Variants in UNC5D observed in about 807,000 individuals in gnomAD.
The protein encoded by UNC5D is netrin receptor UNC5D.
Under a neutral mutation model 105.4 loss-of-function variants are expected in UNC5D, and 39 were observed. The observed-to-expected ratio is 0.37, with a 90% CI of 0.29 to 0.48. The LOEUF (loss-of-function observed/expected upper bound fraction) is 0.48, where lower values mean the gene tolerates loss of function less well. UNC5D is among the 20% of genes least tolerant of loss of function. UNC5D has a pLI of 0.98. For missense variants in UNC5D, 991 were observed against 1,202.4 expected, an observed-to-expected ratio of 0.82 and a Z score of 2.60; for synonymous variants, 452 against 450.4, an observed-to-expected ratio of 1.00 and a Z score of -0.04.
At chr8:35,582,760 G>A (rs1268707139) in intron 3 of UNC5D, among the ~76,000 whole-genome samples, 1 of 152,142 alleles carries the variant, frequency 6.6e-6, no homozygotes, top group Non-Finnish European at 1.5e-5. Flanking sequence ...AGGAGTGGTA[G>A]TGAATTACAA....
At chr8:35,697,800 T>C (rs1405434929) in intron 7 of UNC5D, among the ~76,000 whole-genome samples, 1 of 152,184 alleles carries the variant, frequency 6.6e-6, no homozygotes, top group Non-Finnish European at 1.5e-5. Context: ...GTTAGATAAA[T>C]GTTTGGTCTA....
rs544197070 is a variant in UNC5D at position 35,769,555 on chromosome 8, T to A, written c.2478+2489T>A. 3.3e-5 allele frequency among the ~76,000 whole-genome samples: 5 copies of A among 152,362 alleles called. 1 individual carries two copies. The East Asian group carries it at 7.7e-4, about 24-fold the overall frequency. ...TTCATTCTATAATAGAGATCCTACA[T>A]GTAGCTCTGCCTACAAATGGATGTC... On this transcript the variant is annotated intron_variant, in intron 15 of 16. Transcript: ENST00000404895.
At chr8:35,236,525 G>GC (rs1802481094) in intron 1 of UNC5D, among the ~76,000 whole-genome samples, 1 of 152,180 alleles carries the variant, frequency 6.6e-6, no homozygotes, top group South Asian at 2.1e-4. Context: ...GCCCGAGGCT[G>GC]CTCACCAGGC....
intron 4 of UNC5D, among the ~76,000 whole-genome samples, chr8:35,673,082 G>A (rs1824934236): frequency 6.6e-6 from 1 of 152,152 alleles, no homozygotes; most frequent in Non-Finnish European, 1.5e-5. Flanking sequence ...CAATTAAGCT[G>A]AATTTCTGCT....
Position 35,571,422 on chromosome 8 carries a change from T to C in UNC5D, c.466+3181T>C, listed in dbSNP as rs1817711794. Among the ~76,000 whole-genome samples the C allele has an allele frequency of 1.3e-5, 2 of 152,228 alleles. 1 individual carries two copies. The highest frequency in any genetic ancestry group is 4.1e-4 in the South Asian group (2 of 4,832). On this transcript the variant is annotated intron_variant, in intron 3 of 16. Transcript: ENST00000404895. ...AGCAAGTGAGAGGTTTTTTAATTTA[T>C]TTAAAATTATTTATGCAAGTCAAGA...
At chr8:35,621,871 T>G (rs1273939891) in intron 4 of UNC5D, among the ~76,000 whole-genome samples, 1 of 152,276 alleles carries the variant, frequency 6.6e-6, no homozygotes, top group African/African-American at 2.4e-5. Context: ...TTGGCTCCAC[T>G]TAATGTGGCT....
Position 35,235,912 on chromosome 8 carries a change from C to T in UNC5D, c.103+25C>T, listed in dbSNP as rs574714690. 6.5e-5 allele frequency: 80 copies of T among 1,226,572 alleles called. No homozygotes were observed. The East Asian group carries it at 2.1e-3, about 33-fold the overall frequency. 76.0% of individuals were successfully genotyped at this position (1,226,572 alleles called of 1,614,324 possible). A position where few individuals can be genotyped will look rare whatever the true frequency, so the allele number is the denominator to read the frequency against. ...GGTAAGCGCTGGGCGGAGCGGGCAG[C>T]TGGGGGCGAGGGCGCAGGGGCGCCA... On this transcript the variant is annotated intron_variant, in intron 1 of 16. Transcript: ENST00000404895.
intron 1 of UNC5D, among the ~76,000 whole-genome samples, chr8:35,302,301 A>T (rs1808015288): frequency 6.6e-6 from 1 of 152,234 alleles, no homozygotes; most frequent in South Asian, 2.1e-4. Flanking sequence ...CAATCTCTCC[A>T]CTATTTCCTT....
intron 1 of UNC5D, among the ~76,000 whole-genome samples, chr8:35,344,350 C>A (rs1184026451): frequency 1.3e-5 from 2 of 152,014 alleles, no homozygotes; most frequent in Admixed American, 1.3e-4. Flanking sequence ...ATTCCATGAT[C>A]TCCATGATTC....
intron 4 of UNC5D, among the ~76,000 whole-genome samples, chr8:35,667,340 T>C (rs961584573): frequency 1.1e-4 from 16 of 152,158 alleles, no homozygotes; most frequent in Non-Finnish European, 1.9e-4. Context: ...TTACTATAGT[T>C]TCAAGGCTGA....
chr8:35,683,343 C>T (rs774643261), intron 4 of UNC5D, among the ~76,000 whole-genome samples: 1 of 152,144 alleles, frequency 6.6e-6, no homozygotes, highest in African/African-American at 2.4e-5. Context: ...CTGCTCCCAA[C>T]TTATTAGCTT....
At chr8:35,284,533 T>C (rs891731782) in intron 1 of UNC5D, among the ~76,000 whole-genome samples, 1 of 152,072 alleles carries the variant, frequency 6.6e-6, no homozygotes, top group Non-Finnish European at 1.5e-5. Context: ...TCTGGGGAAA[T>C]TAATTTAAAA....
intron 8 of UNC5D, among the ~76,000 whole-genome samples, chr8:35,707,405 A>G (rs1260580121): frequency 6.6e-6 from 1 of 152,214 alleles, no homozygotes; most frequent in Admixed American, 6.5e-5. Context: ...GTCCTCTGAC[A>G]TCATGCATGT....
At chr8:35,473,390 A>T (rs1809872642) in intron 1 of UNC5D, among the ~76,000 whole-genome samples, 1 of 152,230 alleles carries the variant, frequency 6.6e-6, no homozygotes, top group African/African-American at 2.4e-5. Flanking sequence ...AGCTTTAAGA[A>T]TAGTGGCTGG....
At chr8:35,242,672 A>G (rs1802872873) in intron 1 of UNC5D, among the ~76,000 whole-genome samples, 1 of 151,990 alleles carries the variant, frequency 6.6e-6, no homozygotes, top group African/African-American at 2.4e-5. Context: ...ACAGGGTTTC[A>G]CCACGTTGGT....
intron 1 of UNC5D, among the ~76,000 whole-genome samples, chr8:35,528,465 G>C (rs1814064986): frequency 6.8e-6 from 1 of 147,694 alleles, no homozygotes; most frequent in Non-Finnish European, 1.5e-5. Flanking sequence ...ATTTGGGTTG[G>C]TTCCAAGTCT....
At chr8:35,400,013 G>A (rs756114526) in intron 1 of UNC5D, among the ~76,000 whole-genome samples, 1 of 152,188 alleles carries the variant, frequency 6.6e-6, no homozygotes. Context: ...TTGTATAAGA[G>A]TATTAAGGAT....
intron 12 of UNC5D, among the ~76,000 whole-genome samples, chr8:35,749,939 G>T (rs1830184391): frequency 7.1e-6 from 1 of 140,480 alleles, no homozygotes; most frequent in Admixed American, 7.0e-5. Context: ...ATGTTTGAGA[G>T]AAAATAAACA....
Position 35,568,179 on chromosome 8 carries a change from A to G in UNC5D, c.404A>G (p.Gln135Arg). ...CATGGGCCCGAGGACTATTGGTGCC[A>G]GTGTGTGGCGTGGAGCCACCTGGGT... is the stretch of plus-strand genomic sequence containing the variant. ...DFHGPEDYWC[Q>R]CVAWSHLGTS... Residue 135 changes from glutamine (Q) to arginine (R), a missense_variant, in exon 3 of 17, where the codon CAG (glutamine) becomes CGG (arginine). Gln to Arg is a conservative substitution (Grantham distance 43). Coordinates refer to ENST00000404895, the MANE Select transcript of UNC5D (RefSeq NM_080872.4). 6 of 1,614,172 alleles carry G rather than the reference A, an allele frequency of 3.7e-6. No individual in the cohort carries two copies. Among genetic ancestry groups the G allele is most frequent in the Non-Finnish European group, 5.1e-6 (6 of 1,180,010 alleles).
Sources: gnomAD v4.1 joint callset for allele counts (sites outside exome capture counted in the v4.1 genomes callset) on GRCh38, gnomAD v4.1.1 for gene constraint, MANE v1.5 for transcripts, NCBI Gene and HGNC (gene_info 2026-07-23, HGNC 2026-07-21) for gene names.